The following HSF2 variants were observed in gnomAD, a reference collection of about 807,000 sequenced individuals.
HSF2 encodes the protein heat shock transcription factor 2.
Under a neutral mutation model 65.0 loss-of-function variants are expected in HSF2, and 21 were observed. The observed-to-expected ratio is 0.32, with a 90% CI of 0.23 to 0.47. The LOEUF (loss-of-function observed/expected upper bound fraction) is 0.47. Among genes scored for constraint, HSF2 ranks in the 20% least tolerant of loss-of-function variants. The pLI is 1.00. For synonymous variants in HSF2, 225 were observed against 219.1 expected (o/e 1.03, Z -0.24); for missense variants, 499 against 628.1 (o/e 0.79, Z 2.20).
At chr6:122,427,130 C>T (rs751670170) in intron 10 of HSF2, among the ~76,000 whole-genome samples, 2 of 151,936 alleles carry the variant, frequency 1.3e-5, no homozygotes, top group Non-Finnish European at 2.9e-5. Context: ...TGCTTTTGAG[C>T]GCCACCATCT....
rs944311557 is a variant in HSF2 at position 122,432,875 on chromosome 6, T to C, written c.*655T>C. ...GATGGAGTGAGCCCCATCCAGTTAG[T>C]TGGACTAGTTTTAAATAAAGGTTTT... On this transcript the variant is annotated 3_prime_UTR_variant, in exon 13 of 13. Transcript: ENST00000368455. 2 of 152,186 alleles carry C rather than the reference T, an allele frequency of 1.3e-5. No homozygotes were observed. Among genetic ancestry groups the C allele is most frequent in the Non-Finnish European group, 2.9e-5 (2 of 68,054 alleles). 9.4% of individuals were successfully genotyped at this position (152,186 alleles called of 1,614,324 possible). A position where few individuals can be genotyped will look rare whatever the true frequency, so the allele number is the denominator to read the frequency against.
chr6:122,432,230 A>C lies in HSF2; in HGVS notation c.*10A>C, dbSNP rs778218519. The C allele has an allele frequency of 1.3e-6, 2 of 1,597,904 alleles. No homozygotes were observed. Among genetic ancestry groups the C allele is most frequent in the Middle Eastern group, 1.7e-4 (1 of 5,986 alleles). On this transcript the variant is annotated 3_prime_UTR_variant, in exon 13 of 13. Transcript: ENST00000368455. ...ACTTTTAGATAGCTAAATCCCCAGG[A>C]AGTGGACTTTACATGTATATATTCA...
At position 122,422,727 on chromosome 6, in the gene HSF2, G is replaced by T; in HGVS notation, c.840G>T (p.Gln280His). 6.2e-7 allele frequency: 1 copy of T among 1,613,318 alleles called. No individual in the cohort carries two copies. The highest frequency in any genetic ancestry group is 8.5e-7 in the Non-Finnish European group (1 of 1,179,486). ...DVISDPSNCS[Q>H]YPDIVIVEDD... is the part of the protein sequence containing the mutation. ...TTTATTGCTGATTTAGCTGTAGCCA[G>T]TACCCTGATATTGTCATCGTTGAAG... The change falls in exon 9 of 13, where the codon CAG (glutamine) becomes CAT (histidine). Residue 280 changes from glutamine (Q) to histidine (H), a missense_variant. Coordinates refer to ENST00000368455, the MANE Select transcript of HSF2 (RefSeq NM_004506.4).
chr6:122,412,551 G>A lies in HSF2; in HGVS notation c.202+70G>A. ...GATGAAGCCATTTTTTTTCCCATTA[G>A]GGTGGTAAAGGAAAATTATTCCATA... On this transcript the variant is annotated intron_variant, in intron 2 of 12. Transcript: ENST00000368455. 2.6e-6 allele frequency: 4 copies of A among 1,546,396 alleles called. No homozygotes were observed. The South Asian group carries it at 3.4e-5, about 13-fold the overall frequency.
Position 122,412,783 on chromosome 6 carries a change from G to A in HSF2, c.330+19G>A. The A allele has an allele frequency of 6.2e-7, 1 of 1,611,196 alleles. No homozygotes were observed. Among genetic ancestry groups the A allele is most frequent in the Non-Finnish European group, 8.5e-7 (1 of 1,177,816 alleles). On this transcript the variant is annotated intron_variant, in intron 3 of 12. Transcript: ENST00000368455. Reference sequence around the variant, plus strand: ...AAGGAAGGTGAGCTATTGTGAACGTGAGCTAATTAGGGTATTGACCTGGAG... The same window carrying A: ...AAGGAAGGTGAGCTATTGTGAACGTAAGCTAATTAGGGTATTGACCTGGAG...
intron 10 of HSF2, among the ~76,000 whole-genome samples, chr6:122,427,389 C>T (rs970202713): frequency 3.9e-5 from 6 of 151,904 alleles, no homozygotes; most frequent in South Asian, 2.1e-4. Context: ...ATTTTCCTTG[C>T]GAGGTGTGGT....
intron 7 of HSF2, 69 bp downstream of exon 7, chr6:122,420,291 A>T: frequency 1.6e-6 from 2 of 1,220,730 alleles, no homozygotes; most frequent in Non-Finnish European, 2.3e-6. Context: ...GCAGTGTTTC[A>T]TGCATTCAAA....
At chr6:122,414,085 T>C (rs576251057) in intron 4 of HSF2, among the ~76,000 whole-genome samples, 14 of 152,220 alleles carry the variant, frequency 9.2e-5, no homozygotes, top group African/African-American at 3.4e-4. Context: ...TAGGAAAAAG[T>C]AGGACACAAA....
upstream of HSF2, chr6:122,399,611 G>A (rs372933458): frequency 6.8e-6 from 5 of 730,376 alleles, no homozygotes; most frequent in East Asian, 2.9e-5. Context: ...GGCGGGGTTG[G>A]GGGGGCGGGG....
Position 122,422,917 on chromosome 6 carries a change from A to G in HSF2, c.1030A>G (p.Met344Val). Residue 344 changes from methionine (M) to valine (V), a missense_variant, in exon 9 of 13, where the codon ATG (methionine) becomes GTG (valine). Physicochemically the swap from Met to Val is conservative, Grantham distance 21. This residue lies in a region of HSF2 where 349 missense variants were observed against 393.5 expected (regional missense o/e 0.89). Coordinates refer to ENST00000368455, the MANE Select transcript of HSF2 (RefSeq NM_004506.4). ...GACCTCAGAAGATCCAGTGACCATGATGGATTCCATTTTGAATGATAACAT... is the reference window on the plus strand; with the variant it reads ...GACCTCAGAAGATCCAGTGACCATGGTGGATTCCATTTTGAATGATAACAT... ...SLTSEDPVTM[M>V]DSILNDNINL... is the part of the protein sequence containing the mutation. The G allele has an allele frequency of 6.2e-7, 1 of 1,613,476 alleles. No homozygotes were observed. Among genetic ancestry groups the G allele is most frequent in the Non-Finnish European group, 8.5e-7 (1 of 1,179,554 alleles).
rs192754280 is a variant in HSF2, at chr6:122,408,715, C to T, written c.94-3658C>T. Among the ~76,000 whole-genome samples, 22 of 152,132 alleles carry T rather than the reference C, an allele frequency of 1.4e-4. 1 individual carries two copies. The highest frequency in any genetic ancestry group is 1.2e-3 in the Admixed American group (19 of 15,250). Reference sequence around the variant, plus strand: ...CTTCCTTTCAGACCTTTATGCCTTCCGTTTTTCTTTTGGCAGTAACTAAGA... The same window carrying T: ...CTTCCTTTCAGACCTTTATGCCTTCTGTTTTTCTTTTGGCAGTAACTAAGA... On this transcript the variant is annotated intron_variant, in intron 1 of 12. Transcript: ENST00000368455.
intron 1 of HSF2, among the ~76,000 whole-genome samples, chr6:122,411,738 G>A (rs1562199798): frequency 6.6e-6 from 1 of 151,706 alleles, no homozygotes; most frequent in Non-Finnish European, 1.5e-5. Context: ...CTTTGGCAGG[G>A]TTTATTTCTG....
At position 122,432,057 on chromosome 6, in the gene HSF2, T is replaced by C. The variant is rs994399288; in HGVS notation, c.1448T>C (p.Val483Ala). Residue 483 changes from valine (V) to alanine (A), a missense_variant, in exon 13 of 13, where the codon GTT becomes GCT. Physicochemically the swap from Val to Ala is moderately conservative, Grantham distance 64. Coordinates refer to ENST00000368455, the MANE Select transcript of HSF2 (RefSeq NM_004506.4). ...VLSSVDKPIE[V>A]DELLDSSLDP... ...TCCTCTGTAGATAAACCCATAGAAG[T>C]TGATGAGCTTCTGGATAGCAGCCTA... The C allele has an allele frequency of 6.2e-7, 1 of 1,614,036 alleles. No individual in the cohort carries two copies. The highest frequency in any genetic ancestry group is 1.3e-5 in the African/African-American group (1 of 74,932).
At chr6:122,413,873 T>C (rs1329255620) in intron 4 of HSF2, among the ~76,000 whole-genome samples, 1 of 152,144 alleles carries the variant, frequency 6.6e-6, no homozygotes, top group African/African-American at 2.4e-5. Flanking sequence ...GAAGAAGATA[T>C]AAACCTAAGC....
intron 4 of HSF2, 122 bp from the exon 5 acceptor site, chr6:122,416,099 A>C: frequency 1.6e-6 from 1 of 628,292 alleles, no homozygotes; most frequent in Non-Finnish European, 2.8e-6. Context: ...TCTTGGTCTC[A>C]TAAATACATA....
intron 1 of HSF2, among the ~76,000 whole-genome samples, chr6:122,401,781 T>G (rs546292390): frequency 1.3e-5 from 2 of 152,158 alleles, no homozygotes; most frequent in Non-Finnish European, 2.9e-5. Flanking sequence ...GAAAATGTAA[T>G]GGAGTGGTAG....
intron 10 of HSF2, among the ~76,000 whole-genome samples, chr6:122,427,443 A>T (rs1582620635): frequency 6.6e-6 from 1 of 152,144 alleles, no homozygotes; most frequent in East Asian, 1.9e-4. Context: ...AGAGGGCTTC[A>T]CTTGAGGCAT....
chr6:122,415,870 A>G (rs1774114329), intron 4 of HSF2, among the ~76,000 whole-genome samples: 2 of 152,168 alleles, frequency 1.3e-5, no homozygotes, highest in South Asian at 4.1e-4. Flanking sequence ...AAAAAAAATT[A>G]GCTGGTTGTG....
intron 1 of HSF2, among the ~76,000 whole-genome samples, chr6:122,411,026 C>G (rs1417431113): frequency 7.1e-6 from 1 of 141,628 alleles, no homozygotes; most frequent in African/African-American, 2.6e-5. Flanking sequence ...TTTAAAGGAA[C>G]TATCATAGTG....
Sources: gnomAD v4.1 joint callset for allele counts (sites outside exome capture counted in the v4.1 genomes callset) on GRCh38, gnomAD v4.1.1 for gene constraint, gnomAD v4.1.1 regional missense constraint, MANE v1.5 for transcripts, NCBI Gene and HGNC (gene_info 2026-07-23, HGNC 2026-07-21) for gene names.